The following EFCC1 variants were observed in gnomAD, a reference collection of about 807,000 sequenced individuals.
EFCC1 encodes EF-hand and coiled-coil domain-containing protein 1.
In EFCC1, 50 loss-of-function variants were observed where a neutral mutation model predicts 52.1. The ratio of observed to expected loss-of-function variants is 0.96; its 90% CI spans 0.76 to 1.21. The LOEUF (loss-of-function observed/expected upper bound fraction) is 1.21, where lower values mean the gene tolerates loss of function less well. Ranked by LOEUF, EFCC1 falls within the 50% of genes most tolerant of loss-of-function variation. EFCC1 has a pLI of 0.00. For missense variants in EFCC1, 837 were observed against 867.3 expected, an observed-to-expected ratio of 0.97 and a Z score of 0.44; for synonymous variants, 399 against 396.5, an observed-to-expected ratio of 1.01 and a Z score of -0.08.
chr3:129,035,796 C>G (rs1178158040), intron 5 of EFCC1, among the ~76,000 whole-genome samples: 1 of 152,168 alleles, frequency 6.6e-6, no homozygotes, highest in Non-Finnish European at 1.5e-5. Context: ...TGCCGGGATT[C>G]AAATCCTGAC....
Position 129,039,740 on chromosome 3 carries a change from G to T in EFCC1, c.1692G>T (p.Leu564=). 6.2e-7 allele frequency: 1 copy of T among 1,609,840 alleles called. No individual in the cohort carries two copies. The highest frequency in any genetic ancestry group is 2.2e-5 in the East Asian group (1 of 44,554). ...GAAGGCCCAGCCCTGCAGCCATCCT[G>T]GATGCCCTGCACCAAGCCTTGGCTG... ...HEGRPSPAAI[L]DALHQALAAC... is the part of the protein sequence containing the mutation. The change falls in exon 8 of 8, where the codon CTG becomes CTT. Residue 564 remains leucine, a synonymous_variant. Coordinates refer to ENST00000683648, the MANE Select transcript of EFCC1 (RefSeq NM_001377500.1).
rs555426834 is a variant in EFCC1, at chr3:129,040,041, C to T, written c.*193C>T. The T allele has an allele frequency of 2.0e-4, 122 of 623,268 alleles. No individual in the cohort carries two copies. Among genetic ancestry groups the T allele is most frequent in the African/African-American group, 1.6e-3 (85 of 52,966 alleles). 38.6% of individuals were successfully genotyped at this position (623,268 alleles called of 1,614,324 possible). A position where few individuals can be genotyped will look rare whatever the true frequency, so the allele number is the denominator to read the frequency against. On this transcript the variant is annotated 3_prime_UTR_variant, in exon 8 of 8. Transcript: ENST00000683648. This position sits in a 1 kb window ranked among gnomAD's most constrained non-coding sequence, Gnocchi z 4.4. ...CAGCACCTGGCAGCCACCCCTTCCT[C>T]GGGCTCCTCCACATTACCTCGCAGC...
intron 2 of EFCC1, among the ~76,000 whole-genome samples, chr3:129,024,595 G>C (rs1946019015): frequency 6.6e-6 from 1 of 152,114 alleles, no homozygotes; most frequent in Non-Finnish European, 1.5e-5. Flanking sequence ...TGGAGGCTGG[G>C]AAGTAAAGGG....
chr3:129,032,868 C>T lies in EFCC1; in HGVS notation c.1188C>T (p.Asp396=), dbSNP rs895899986. The T allele has an allele frequency of 2.4e-5, 37 of 1,551,486 alleles. No homozygotes were observed. The East Asian group carries it at 4.6e-4, about 19-fold the overall frequency. ...CCGTGGAGGGCCAGGCCGCCTCTGA[C>T]GAGGAGGAGGTGGAGGAGGAGAGGT... ...FRSVEGQAAS[D]EEEVEEERWQ... is the part of the protein sequence containing the mutation. Residue 396 remains aspartate, a synonymous_variant, in exon 4 of 8, where the codon GAC becomes GAT. Coordinates refer to ENST00000683648, the MANE Select transcript of EFCC1 (RefSeq NM_001377500.1).
At chr3:129,025,593 T>C (rs1173482596) in intron 2 of EFCC1, among the ~76,000 whole-genome samples, 1 of 152,168 alleles carries the variant, frequency 6.6e-6, no homozygotes, top group African/African-American at 2.4e-5. Context: ...GAAAGTCATA[T>C]GGTCAGAGGA....
chr3:129,027,383 G>A (rs988016192), intron 2 of EFCC1, among the ~76,000 whole-genome samples: 13 of 152,132 alleles, frequency 8.5e-5, no homozygotes, highest in Admixed American at 3.9e-4. Flanking sequence ...TTGGGCTCGC[G>A]GGCCCTCCAA....
chr3:129,022,110 C>T (rs1379896347), intron 2 of EFCC1, among the ~76,000 whole-genome samples: 1 of 152,134 alleles, frequency 6.6e-6, no homozygotes, highest in Non-Finnish European at 1.5e-5. Flanking sequence ...CCTCTAGGAT[C>T]AATGTCATTT....
chr3:129,021,842 C>T (rs764160918), intron 2 of EFCC1, among the ~76,000 whole-genome samples: 18 of 152,180 alleles, frequency 1.2e-4, no homozygotes, highest in Non-Finnish European at 2.6e-4. Context: ...AAACTCCTTT[C>T]CTTTTCTTTC....
chr3:129,025,649 T>A (rs747513290), intron 2 of EFCC1, among the ~76,000 whole-genome samples: 2 of 152,136 alleles, frequency 1.3e-5, no homozygotes, highest in African/African-American at 2.4e-5. Context: ...TTATAGCATG[T>A]GAGTGTGATG....
intron 3 of EFCC1, 65 bp from the exon 4 acceptor site, chr3:129,032,754 C>T: frequency 1.3e-6 from 2 of 1,525,852 alleles, no homozygotes; most frequent in Non-Finnish European, 1.8e-6. Flanking sequence ...GCACATGTCC[C>T]CCTGGGGAGG....
intron 2 of EFCC1, among the ~76,000 whole-genome samples, chr3:129,005,195 G>A (rs1945015980): frequency 6.6e-6 from 1 of 152,246 alleles, no homozygotes; most frequent in Non-Finnish European, 1.5e-5. Flanking sequence ...CTGTGAGCAG[G>A]TGAGACCTTC....
chr3:129,024,270 C>A lies in EFCC1; in HGVS notation c.981-6433C>A, dbSNP rs542107307. On this transcript the variant is annotated intron_variant, in intron 2 of 7. Transcript: ENST00000683648. ...TTGGGGCTGGGTCTAGTGGCTCACACCTGTAATCCCAGCACCTTTGGAAAG... is the reference window on the plus strand; with the variant it reads ...TTGGGGCTGGGTCTAGTGGCTCACAACTGTAATCCCAGCACCTTTGGAAAG... Among the ~76,000 whole-genome samples the A allele has an allele frequency of 5.3e-5, 8 of 152,232 alleles. No individual in the cohort carries two copies. The East Asian group carries it at 1.5e-3, about 29-fold the overall frequency.
chr3:129,021,433 G>C (rs968984619), intron 2 of EFCC1, among the ~76,000 whole-genome samples: 1 of 152,180 alleles, frequency 6.6e-6, no homozygotes, highest in African/African-American at 2.4e-5. Context: ...TAAGCTGCTG[G>C]CAGGGAATGC....
chr3:129,035,279 T>G (rs192804969), intron 5 of EFCC1, among the ~76,000 whole-genome samples: 1 of 152,222 alleles, frequency 6.6e-6, no homozygotes, highest in Admixed American at 6.5e-5. Context: ...TCGGTGCTGA[T>G]GTGCTCTGTC....
At chr3:129,030,099 T>A (rs553246240) in intron 2 of EFCC1, among the ~76,000 whole-genome samples, 1 of 151,986 alleles carries the variant, frequency 6.6e-6, no homozygotes, top group East Asian at 2.0e-4. Flanking sequence ...AGTGGGAGGA[T>A]CGCTTGAGCC....
chr3:129,020,287 A>G (rs1480760208), intron 2 of EFCC1, among the ~76,000 whole-genome samples: 1 of 152,184 alleles, frequency 6.6e-6, no homozygotes, highest in Non-Finnish European at 1.5e-5. Flanking sequence ...AGGCACATAC[A>G]TCCCTAATTT....
At chr3:129,030,581 G>GT in intron 2 of EFCC1, 122 bp from the exon 3 acceptor site, 1 of 1,196,304 alleles carries the variant, frequency 8.4e-7, no homozygotes, top group South Asian at 2.0e-5. Flanking sequence ...CTCCTGGACT[G>GT]TGGGAAGCTG....
Position 129,003,796 on chromosome 3 carries a change from C to T in EFCC1, c.699C>T (p.Val233=). The part of the protein sequence containing the change: ...SSDARCLALQ[V]GLWKSQASTH... ...CCCCTGCTGCCCTGTCCCCGCAGGT[C>T]GGACTCTGGAAGAGCCAGGCGAGCA... Residue 233 remains valine, a splice_region_variant and synonymous_variant, in exon 2 of 8, where the codon GTC becomes GTT. Transcript: ENST00000683648. 1 of 1,452,652 alleles carries T rather than the reference C, an allele frequency of 6.9e-7. No homozygotes were observed. Among genetic ancestry groups the T allele is most frequent in the Non-Finnish European group, 9.0e-7 (1 of 1,107,540 alleles). 90.0% of individuals were successfully genotyped at this position (1,452,652 alleles called of 1,614,324 possible).
At chr3:129,009,195 C>T (rs1334140930) in intron 2 of EFCC1, among the ~76,000 whole-genome samples, 1 of 152,168 alleles carries the variant, frequency 6.6e-6, no homozygotes, top group Non-Finnish European at 1.5e-5. Flanking sequence ...TCTTTTCTTC[C>T]TTTCTATCAT....
Sources: allele counts gnomAD v4.1 joint callset (sites outside exome capture counted in the v4.1 genomes callset), GRCh38; gene constraint gnomAD v4.1.1; non-coding constraint Gnocchi (gnomAD v3.1); transcripts MANE v1.5; gene names NCBI Gene and HGNC (gene_info 2026-07-23, HGNC 2026-07-21).